Variants in GABRR1 observed in about 807,000 individuals in gnomAD.
The protein encoded by GABRR1 is gamma-aminobutyric acid receptor subunit rho-1.
A neutral mutation model predicts 55.5 loss-of-function variants in GABRR1; 59 were observed. The ratio of observed to expected loss-of-function variants is 1.06; its 90% CI spans 0.86 to 1.32. The LOEUF is 1.32. Among genes scored for constraint, GABRR1 ranks in the 40% most tolerant of loss-of-function variants. GABRR1 has a pLI of 0.00. For synonymous variants in GABRR1, 213 were observed against 226.0 expected (o/e 0.94, Z 0.51); for missense variants, 602 against 619.1 (o/e 0.97, Z 0.29).
rs34218666 is a variant in GABRR1, at chr6:89,198,067, G to A, written c.525C>T (p.Asn175=). Residue 175 remains asparagine, a synonymous_variant, in exon 5 of 10, where the codon AAC becomes AAT. Transcript: ENST00000454853. ...RSFIHDTTTD[N]VMLRVQPDGK... ...CATCAGGCTGGACCCGCAACATGAC[G>A]TTGTCTGTGGTGGTGTCGTGGATGA... 2,948 of 1,614,104 alleles carry A rather than the reference G, an allele frequency of 1.8e-3. 51 individuals are homozygous for A. In the African/African-American group the frequency reaches 0.036, roughly 20 times the overall value.
intron 1 of GABRR1, among the ~76,000 whole-genome samples, chr6:89,223,178 T>G (rs1332052585): frequency 6.6e-6 from 1 of 152,150 alleles, no homozygotes; most frequent in Non-Finnish European, 1.5e-5. Context: ...ACCCATTTTG[T>G]AGTCTTTTTA....
At position 89,201,230 on chromosome 6, in the gene GABRR1, G is replaced by T. The variant is rs143197057; in HGVS notation, c.209C>A (p.Ser70Ter). The change falls in exon 3 of 10, where the codon TCG (serine) becomes TAG (stop). Residue 70 changes from serine to a stop codon, truncating the protein, a stop_gained. Coordinates refer to ENST00000454853, the MANE Select transcript of GABRR1 (RefSeq NM_002042.5). LOFTEE classifies it high-confidence loss of function. ...AAGCTGTTCTGACTTTGTCAGAGGC[G>T]ATTTGGTGATGTCAGGACTTCGTCT... ...ILRRSPDITK[S>*]PLTKSEQLLR... The T allele has an allele frequency of 5.6e-6, 9 of 1,614,132 alleles. No individual in the cohort carries two copies. Among genetic ancestry groups the T allele is most frequent in the Non-Finnish European group, 6.8e-6 (8 of 1,179,992 alleles).
At chr6:89,179,279 G>A (rs940136731) in intron 9 of GABRR1, among the ~76,000 whole-genome samples, 1 of 151,890 alleles carries the variant, frequency 6.6e-6, no homozygotes. Flanking sequence ...GCAATGGCAC[G>A]ATCAATCTCA....
intron 1 of GABRR1, among the ~76,000 whole-genome samples, chr6:89,209,747 G>T (rs1018830346): frequency 6.6e-6 from 1 of 152,114 alleles, no homozygotes; most frequent in African/African-American, 2.4e-5. Context: ...TGCAGACTTG[G>T]CATCAGTCAG....
At chr6:89,197,964 T>C in intron 5 of GABRR1, 56 bp downstream of exon 5, 1 of 1,509,474 alleles carries the variant, frequency 6.6e-7, no homozygotes, top group Non-Finnish European at 9.2e-7. Flanking sequence ...CCCAAATTGC[T>C]GTTGTGAAAC....
chr6:89,180,251 T>C, intron 9 of GABRR1, 41 bp downstream of exon 9: 2 of 1,589,338 alleles, frequency 1.3e-6, no homozygotes, highest in Non-Finnish European at 1.7e-6. Flanking sequence ...CTAGATCAGG[T>C]TCCATCCTGA....
intron 1 of GABRR1, among the ~76,000 whole-genome samples, chr6:89,230,293 C>G (rs1414243114): frequency 1.4e-5 from 2 of 146,170 alleles, no homozygotes; most frequent in Non-Finnish European, 3.0e-5. Context: ...CAGCTTTGTT[C>G]TGTTGCTGGT....
chr6:89,187,688 C>T (rs551929785), intron 6 of GABRR1, among the ~76,000 whole-genome samples: 19 of 152,192 alleles, frequency 1.2e-4, no homozygotes, highest in Non-Finnish European at 2.4e-4. Flanking sequence ...ATTTTGACTA[C>T]GCTAAGTACC....
At chr6:89,217,622 G>A, upstream of GABRR1, 1 of 251,406 alleles carries the variant, frequency 4.0e-6, no homozygotes, top group Non-Finnish European at 7.6e-6. Context: ...TAAAAATGTT[G>A]GTAAAAGTCT....
intron 5 of GABRR1, among the ~76,000 whole-genome samples, chr6:89,191,702 G>A (rs903196151): frequency 2.6e-5 from 4 of 152,088 alleles, no homozygotes; most frequent in Non-Finnish European, 4.4e-5. Context: ...GCTCTTCCCT[G>A]CCCTGGATGG....
intron 9 of GABRR1, among the ~76,000 whole-genome samples, chr6:89,179,785 T>A (rs1305882979): frequency 6.6e-6 from 1 of 152,066 alleles, no homozygotes; most frequent in African/African-American, 2.4e-5. Context: ...CTGGGGGAGA[T>A]AACCATTGAG....
In GABRR1 at chr6:89,178,134, C is replaced by T. The variant is rs1481414425; in HGVS notation, c.*636G>A. On this transcript the variant is annotated 3_prime_UTR_variant, in exon 10 of 10. Transcript: ENST00000454853. Reference sequence around the variant, plus strand: ...AGTTTCCCTACCAGGGAAAATTTCACCAAAATCAGAAGCAATTGCGCCAAT... The same window carrying T: ...AGTTTCCCTACCAGGGAAAATTTCATCAAAATCAGAAGCAATTGCGCCAAT... 1 of 152,420 alleles carries T rather than the reference C, an allele frequency of 6.6e-6. No individual in the cohort carries two copies. Among genetic ancestry groups the T allele is most frequent in the African/African-American group, 2.4e-5 (1 of 41,438 alleles). 9.4% of individuals were successfully genotyped at this position (152,420 alleles called of 1,614,324 possible).
chr6:89,218,903 CTATAGG>C (rs972920111), upstream of GABRR1, among the ~76,000 whole-genome samples: 5 of 152,182 alleles, frequency 3.3e-5, no homozygotes, highest in Non-Finnish European at 7.3e-5. Context: ...TCACTCAAAT[CTATAGG>C]TACTGCAGGT....
chr6:89,219,275 G>C (rs1014619340), upstream of GABRR1, among the ~76,000 whole-genome samples: 1 of 152,006 alleles, frequency 6.6e-6, no homozygotes, highest in Non-Finnish European at 1.5e-5. Flanking sequence ...CCCAAAAAAA[G>C]AAAAGAAAAT....
chr6:89,207,923 T>C (rs1772703141), intron 1 of GABRR1, among the ~76,000 whole-genome samples: 1 of 152,148 alleles, frequency 6.6e-6, no homozygotes, highest in African/African-American at 2.4e-5. Context: ...CTTGAACCCG[T>C]TTTGCTTACT....
At chr6:89,209,214 A>C (rs1344123336) in intron 1 of GABRR1, among the ~76,000 whole-genome samples, 1 of 151,890 alleles carries the variant, frequency 6.6e-6, no homozygotes, top group Middle Eastern at 3.2e-3. Context: ...CTGAATTCCT[A>C]TGCCTGGGAA....
rs796972516 is a variant in GABRR1 at position 89,212,123 on chromosome 6, T to G, written c.122+5078A>C. 1.7e-5 allele frequency: 11 copies of G among 661,898 alleles called. 3 individuals are homozygous for G. In the African/African-American group the frequency reaches 2.6e-4, roughly 15 times the overall value. The allele number at this position is 661,898 out of a possible 1,614,324, so 41.0% of individuals were successfully genotyped here. A position where few individuals can be genotyped will look rare whatever the true frequency, so the allele number is the denominator to read the frequency against. Reference sequence around the variant, plus strand: ...TCACCTTCACCCCCAAACCTAATCCTCCACCTGCTCTCCTTCCTGGCATCA... The same window carrying G: ...TCACCTTCACCCCCAAACCTAATCCGCCACCTGCTCTCCTTCCTGGCATCA... On this transcript the variant is annotated intron_variant, in intron 1 of 9. Transcript: ENST00000454853.
intron 7 of GABRR1, 55 bp from the exon 8 acceptor site, chr6:89,182,112 A>ATGTG: frequency 6.3e-7 from 1 of 1,575,114 alleles, no homozygotes; most frequent in Non-Finnish European, 8.7e-7. Context: ...CATAAAACAC[A>ATGTG]TTTTATTCAG....
chr6:89,196,863 GAA>G (rs1468993520), intron 5 of GABRR1, among the ~76,000 whole-genome samples: 2 of 124,778 alleles, frequency 1.6e-5, no homozygotes, highest in African/African-American at 5.8e-5. Context: ...AAGAAAGAAA[GAA>G]AGAAAGAAAG....
Sources: gnomAD v4.1 joint callset for allele counts (sites outside exome capture counted in the v4.1 genomes callset) on GRCh38, gnomAD v4.1.1 for gene constraint, MANE v1.5 for transcripts, NCBI Gene and HGNC (gene_info 2026-07-23, HGNC 2026-07-21) for gene names.